Variants in NEGR1 observed in about 807,000 individuals in gnomAD.
The protein encoded by NEGR1 is IgLON family member 4.
A neutral mutation model predicts 40.9 loss-of-function variants in NEGR1; 10 were observed. That is an observed-to-expected ratio of 0.24 (90% confidence interval 0.15 to 0.42). The LOEUF is 0.42. NEGR1 is among the 10% of genes least tolerant of loss of function. The pLI is 1.00. For synonymous variants in NEGR1, 185 were observed against 166.8 expected, an observed-to-expected ratio of 1.11 and a Z score of -0.84; for missense variants, 352 against 438.9, an observed-to-expected ratio of 0.80 and a Z score of 1.77.
chr1:71,855,364 G>C (rs775377149), intron 2 of NEGR1, among the ~76,000 whole-genome samples: 1 of 151,530 alleles, frequency 6.6e-6, no homozygotes, highest in Non-Finnish European at 1.5e-5. Context: ...TTACAAAATG[G>C]AATAAATGAA....
chr1:71,824,369 CTG>C (rs1310528526), intron 2 of NEGR1, among the ~76,000 whole-genome samples: 2 of 149,584 alleles, frequency 1.3e-5, no homozygotes, highest in African/African-American at 4.9e-5. Context: ...AAAAAAAAAA[CTG>C]GAGAGTGAAA....
rs374244540 is a variant in NEGR1 at position 71,610,880 on chromosome 1, C to T, written c.788+146G>A. ...TGCTATTAGCTACTCATCCCTCCCA[C>T]GTGGGCCCCTTCAGTTTGCTTGCTG... On this transcript the variant is annotated intron_variant, in intron 5 of 6. Coordinates refer to ENST00000357731, the MANE Select transcript of NEGR1 (RefSeq NM_173808.3). The T allele has an allele frequency of 8.6e-4, 603 of 701,932 alleles. 5 individuals carry two copies. Among genetic ancestry groups the T allele is most frequent in the Non-Finnish European group, 2.8e-4 (116 of 416,942 alleles). The allele number at this position is 701,932 out of a possible 1,614,324, so 43.5% of individuals were successfully genotyped here. A position where few individuals can be genotyped will look rare whatever the true frequency, so the allele number is the denominator to read the frequency against.
At chr1:72,133,856 T>C (rs1650347946) in intron 1 of NEGR1, among the ~76,000 whole-genome samples, 2 of 151,842 alleles carry the variant, frequency 1.3e-5, no homozygotes, top group Non-Finnish European at 2.9e-5. Flanking sequence ...CATATGAATA[T>C]TTTAATAATC....
chr1:72,132,452 T>A (rs1650294950), intron 1 of NEGR1, among the ~76,000 whole-genome samples: 1 of 152,146 alleles, frequency 6.6e-6, no homozygotes, highest in African/African-American at 2.4e-5. Context: ...ATGGAGTTTT[T>A]GCAGCTAAGC....
chr1:71,667,119 A>G (rs1445543207), intron 4 of NEGR1, among the ~76,000 whole-genome samples: 1 of 152,200 alleles, frequency 6.6e-6, no homozygotes, highest in Middle Eastern at 3.2e-3. Flanking sequence ...CCCATGTTAC[A>G]CGTGCCCTAA....
chr1:71,595,208 T>C (rs1649655742), intron 5 of NEGR1, among the ~76,000 whole-genome samples: 1 of 152,218 alleles, frequency 6.6e-6, no homozygotes, highest in Non-Finnish European at 1.5e-5. Flanking sequence ...TGTGCATCCT[T>C]ACCAGAGTGG....
At chr1:72,118,041 T>C (rs1332431095) in intron 1 of NEGR1, among the ~76,000 whole-genome samples, 2 of 151,866 alleles carry the variant, frequency 1.3e-5, no homozygotes, top group Non-Finnish European at 2.9e-5. Context: ...AAGAAACTAC[T>C]GTGTTCCTTC....
intron 1 of NEGR1, among the ~76,000 whole-genome samples, chr1:72,086,517 A>C (rs1391041296): frequency 6.6e-6 from 1 of 152,196 alleles, no homozygotes; most frequent in Non-Finnish European, 1.5e-5. Flanking sequence ...GAGTGCCCAA[A>C]TTTATTCACA....
chr1:71,780,015 G>A (rs183960861), intron 2 of NEGR1, among the ~76,000 whole-genome samples: 336 of 125,864 alleles, frequency 2.7e-3, no homozygotes, highest in African/African-American at 9.9e-3. Flanking sequence ...AGGGCGCATC[G>A]TGCTAAGCAC....
intron 1 of NEGR1, among the ~76,000 whole-genome samples, chr1:72,006,772 G>A (rs1646610992): frequency 6.6e-6 from 1 of 152,036 alleles, no homozygotes; most frequent in East Asian, 1.9e-4. Flanking sequence ...ACTGGGGGGG[G>A]CGGGAAGCAT....
intron 6 of NEGR1, among the ~76,000 whole-genome samples, chr1:71,492,240 G>A (rs528198469): frequency 1.3e-4 from 20 of 152,206 alleles, no homozygotes; most frequent in African/African-American, 4.8e-4. Flanking sequence ...AGAGTTTCAG[G>A]TATAAGAAAG....
chr1:71,447,527 A>C (rs7535357), intron 6 of NEGR1, among the ~76,000 whole-genome samples: 5,288 of 152,238 alleles, frequency 0.035, 326 homozygotes, highest in African/African-American at 0.12. Flanking sequence ...GGGAGTAAAA[A>C]TCTTCTGCAC....
At chr1:72,119,670 G>C (rs7549778) in intron 1 of NEGR1, among the ~76,000 whole-genome samples, 32,943 of 151,814 alleles carry the variant, frequency 0.22, 4,312 homozygotes, top group Non-Finnish European at 0.29. Context: ...GAGGCATTTG[G>C]ACATGTCTAG....
At chr1:71,968,998 T>A (rs557026299) in intron 1 of NEGR1, among the ~76,000 whole-genome samples, 14 of 151,886 alleles carry the variant, frequency 9.2e-5, no homozygotes, top group Non-Finnish European at 2.1e-4. Context: ...AACCCCTACA[T>A]CTCATATGTT....
At chr1:71,878,261 G>C (rs1277642188) in intron 2 of NEGR1, among the ~76,000 whole-genome samples, 1 of 151,950 alleles carries the variant, frequency 6.6e-6, no homozygotes, top group Admixed American at 6.6e-5. Context: ...TAATTTTTTA[G>C]AAAAGATTAT....
At chr1:72,076,902 T>C (rs1035069543) in intron 1 of NEGR1, among the ~76,000 whole-genome samples, 1 of 147,442 alleles carries the variant, frequency 6.8e-6, no homozygotes, top group African/African-American at 2.5e-5. Context: ...TTTTTTTTTT[T>C]TTTTTTTTTG....
chr1:71,573,828 T>G (rs983377510), intron 6 of NEGR1, among the ~76,000 whole-genome samples: 1 of 152,100 alleles, frequency 6.6e-6, no homozygotes, highest in Non-Finnish European at 1.5e-5. Flanking sequence ...TATGGTGACC[T>G]AAAAAAGGCC....
chr1:71,849,831 G>C (rs768667934), intron 2 of NEGR1, among the ~76,000 whole-genome samples: 2 of 152,098 alleles, frequency 1.3e-5, no homozygotes, highest in African/African-American at 2.4e-5. Context: ...TAGCAATATA[G>C]TATTTTTTAA....
chr1:72,007,085 T>TA (rs1369989508), intron 1 of NEGR1, among the ~76,000 whole-genome samples: 1 of 152,114 alleles, frequency 6.6e-6, no homozygotes, highest in African/African-American at 2.4e-5. Flanking sequence ...CTTCCTTTCA[T>TA]AAAAAAGTGG....
Sources: gnomAD v4.1 joint callset for allele counts (sites outside exome capture counted in the v4.1 genomes callset) on GRCh38, gnomAD v4.1.1 for gene constraint, MANE v1.5 for transcripts, NCBI Gene and HGNC (gene_info 2026-07-23, HGNC 2026-07-21) for gene names.